The following GCNA variants were observed in gnomAD, a reference collection of about 807,000 sequenced individuals.
GCNA encodes the protein germ cell nuclear acidic peptidase.
A neutral mutation model predicts 38.8 loss-of-function variants in GCNA; 3 were observed. The ratio of observed to expected loss-of-function variants is 0.08; its 90% CI spans 0.04 to 0.20. GCNA has a LOEUF of 0.20. Among genes scored for constraint, GCNA ranks in the 10% least tolerant of loss-of-function variants. The pLI, the probability that GCNA is intolerant of heterozygous loss-of-function variation, is 1.00. For missense variants in GCNA, 446 were observed against 578.6 expected (o/e 0.77, Z 2.35); for synonymous variants, 195 against 240.2 (o/e 0.81, Z 1.74).
chrX:71,593,764 C>T (rs754455204), intron 4 of GCNA, among the ~76,000 whole-genome samples: 20 of 102,316 alleles, frequency 2.0e-4, no homozygotes, highest in African/African-American at 6.5e-4. Flanking sequence ...GCCCTTTTGC[C>T]CTTTAATTTT....
intron 2 of GCNA, among the ~76,000 whole-genome samples, chrX:71,591,392 C>T (rs2040627213): frequency 1.9e-5 from 2 of 103,721 alleles, no homozygotes; most frequent in African/African-American, 7.0e-5. Context: ...GCCCCAGCAT[C>T]GTGGCTCACT....
intron 2 of GCNA, among the ~76,000 whole-genome samples, chrX:71,588,697 C>T (rs749588140): frequency 1.8e-5 from 2 of 110,727 alleles, no homozygotes; most frequent in African/African-American, 6.6e-5. Flanking sequence ...CGTGGTGACA[C>T]ACGCCTGTAA....
chrX:71,594,420 T>C (rs1217512803), intron 5 of GCNA, 43 bp downstream of exon 5: 1 of 1,088,974 alleles, frequency 9.2e-7, no homozygotes, highest in Non-Finnish European at 1.3e-6. Context: ...TGAAGTGTCT[T>C]TGTAGAGATG....
intron 2 of GCNA, among the ~76,000 whole-genome samples, chrX:71,589,298 G>A (rs1241653770): frequency 9.3e-6 from 1 of 106,984 alleles, no homozygotes; most frequent in Non-Finnish European, 1.9e-5. Flanking sequence ...GGTGTGGTGG[G>A]GGGTTTCTTG....
At chrX:71,582,270 CAAAA>C (rs779423868) in intron 2 of GCNA, among the ~76,000 whole-genome samples, 2 of 65,233 alleles carry the variant, frequency 3.1e-5, no homozygotes, top group Admixed American at 1.7e-4. Context: ...ACCCTCTCTC[CAAAA>C]AAAAAAAAAA....
chrX:71,605,744 C>T lies in GCNA; in HGVS notation c.1466+15C>T, dbSNP rs1238968275. On this transcript the variant is annotated intron_variant, in intron 9 of 12. Transcript: ENST00000373696. ...CGCAAGACTAGGTATGTACTGCTCG[C>T]ATACAGTTGAACAGGAATTTATTGC... The T allele has an allele frequency of 8.4e-7, 1 of 1,192,815 alleles. No individual in the cohort carries two copies. Among genetic ancestry groups the T allele is most frequent in the Non-Finnish European group, 1.1e-6 (1 of 882,843 alleles).
intron 6 of GCNA, among the ~76,000 whole-genome samples, chrX:71,595,650 G>A (rs2040665815): frequency 8.9e-6 from 1 of 111,931 alleles, no homozygotes; most frequent in African/African-American, 3.2e-5. Flanking sequence ...GCTTGATGGA[G>A]GGGTGTTTCC....
In GCNA at chrX:71,610,667, C is replaced by A; in HGVS notation, c.1612-14C>A. 2 of 1,203,017 alleles carry A rather than the reference C, an allele frequency of 1.7e-6. No homozygotes were observed. The highest frequency in any genetic ancestry group is 2.2e-6 in the Non-Finnish European group (2 of 892,481). Reference sequence around the variant, plus strand: ...ACAGCTTTCTGATTCCTTTCATTTGCGTTTCATTCTCAGCTGCCAGAGAAA... The same window carrying A: ...ACAGCTTTCTGATTCCTTTCATTTGAGTTTCATTCTCAGCTGCCAGAGAAA... On this transcript the variant is annotated splice_polypyrimidine_tract_variant and intron_variant, in intron 10 of 12. Coordinates refer to ENST00000373696, the MANE Select transcript of GCNA (RefSeq NM_052957.5).
intron 3 of GCNA, among the ~76,000 whole-genome samples, 184 bp downstream of exon 3, chrX:71,592,352 C>T (rs1024563057): frequency 7.7e-5 from 7 of 90,714 alleles, no homozygotes; most frequent in African/African-American, 2.9e-4. Flanking sequence ...TCTTTTCCAA[C>T]TTACTTTCCT....
intron 12 of GCNA, 118 bp from the exon 13 acceptor site, chrX:71,612,744 C>G (rs1210296713): frequency 1.9e-6 from 2 of 1,074,407 alleles, no homozygotes; most frequent in Non-Finnish European, 2.5e-6. Flanking sequence ...CGCTTGGTGC[C>G]CGGGTCTCTG....
rs777085342 is a variant in GCNA, at chrX:71,594,391, A to G, written c.187+14A>G. ...CCAGTGGGTCTTGTAAGTAGAGTCC[A>G]CTCAAAGCAGGAACATTTTGAAGTG... On this transcript the variant is annotated intron_variant, in intron 5 of 12. Transcript: ENST00000373696. The G allele has an allele frequency of 1.0e-5, 12 of 1,187,659 alleles. No individual in the cohort carries two copies. The South Asian group carries it at 2.2e-4, about 22-fold the overall frequency.
intron 6 of GCNA, 123 bp from the exon 7 acceptor site, chrX:71,597,827 G>T: frequency 2.1e-6 from 1 of 482,314 alleles, no homozygotes; most frequent in South Asian, 3.3e-5. Context: ...GAGGGGAACA[G>T]AGTTACTGTG....
chrX:71,609,625 T>G (rs2040795262), intron 10 of GCNA, among the ~76,000 whole-genome samples: 1 of 112,098 alleles, frequency 8.9e-6, no homozygotes, highest in South Asian at 3.7e-4. Flanking sequence ...ATACAGTGCC[T>G]AGAACAGGGC....
chrX:71,602,009 T>C (rs1251450252), intron 7 of GCNA, among the ~76,000 whole-genome samples: 1 of 111,845 alleles, frequency 8.9e-6, no homozygotes, highest in Non-Finnish European at 1.9e-5. Context: ...TAGGTCTGTT[T>C]TTAGTTTTTT....
chrX:71,591,873 A>T (rs1376169520), intron 2 of GCNA, among the ~76,000 whole-genome samples: 1 of 112,361 alleles, frequency 8.9e-6, no homozygotes, highest in Admixed American at 9.4e-5. Flanking sequence ...ATAGCTAGCG[A>T]TAACTCATCT....
chrX:71,606,078 CAA>C (rs936081715), intron 9 of GCNA, among the ~76,000 whole-genome samples: 1 of 112,641 alleles, frequency 8.9e-6, no homozygotes, highest in African/African-American at 3.2e-5. Flanking sequence ...TGTAGCCAAA[CAA>C]GACACTTTTC....
At chrX:71,586,769 C>A (rs143604129) in intron 2 of GCNA, among the ~76,000 whole-genome samples, 1 of 111,341 alleles carries the variant, frequency 9.0e-6, no homozygotes, top group African/African-American at 3.3e-5. Context: ...GCCACCACAC[C>A]TGGCTAATTT....
intron 2 of GCNA, among the ~76,000 whole-genome samples, chrX:71,588,543 C>T (rs2040599972): frequency 8.9e-6 from 1 of 111,968 alleles, no homozygotes; most frequent in African/African-American, 3.2e-5. Flanking sequence ...AAGGAGAGAT[C>T]TGGCCAGGCG....
At chrX:71,578,628 T>C (rs2040519157) in intron 1 of GCNA, 106 bp downstream of exon 1, 1 of 112,461 alleles carries the variant, frequency 8.9e-6, no homozygotes, top group Non-Finnish European at 1.9e-5. Flanking sequence ...CCTTGGACTC[T>C]GGTTGCCCGT....
Sources: gnomAD v4.1 joint callset for allele counts (sites outside exome capture counted in the v4.1 genomes callset) on GRCh38, gnomAD v4.1.1 for gene constraint, MANE v1.5 for transcripts, NCBI Gene and HGNC (gene_info 2026-07-23, HGNC 2026-07-21) for gene names.